Variants in CNTNAP2 observed in about 807,000 individuals in gnomAD.
CNTNAP2 encodes the protein contactin-associated protein-like 2.
In CNTNAP2, 98 loss-of-function variants were observed where a neutral mutation model predicts 155.2. The observed-to-expected ratio is 0.63, with a 90% CI of 0.54 to 0.75. The LOEUF (loss-of-function observed/expected upper bound fraction) is 0.75, where lower values mean the gene tolerates loss of function less well. Among genes scored for constraint, CNTNAP2 ranks in the 30% least tolerant of loss-of-function variants. The pLI is 0.00. For synonymous variants in CNTNAP2, 651 were observed against 631.2 expected (o/e 1.03, Z -0.47); for missense variants, 1,727 against 1,688.1 (o/e 1.02, Z -0.40).
intron 15 of CNTNAP2, among the ~76,000 whole-genome samples, chr7:148,026,739 G>T (rs1802382278): frequency 6.6e-6 from 1 of 152,136 alleles, no homozygotes; most frequent in African/African-American, 2.4e-5. Context: ...TAAAACTTCT[G>T]CATTCCAATA....
chr7:148,329,011 A>G (rs1236589024), intron 21 of CNTNAP2, among the ~76,000 whole-genome samples: 1 of 137,458 alleles, frequency 7.3e-6, no homozygotes, highest in Non-Finnish European at 1.5e-5. Flanking sequence ...GGCCCAAACC[A>G]TCCCAGGGAA....
At chr7:147,488,917 G>T (rs1278954295) in intron 11 of CNTNAP2, among the ~76,000 whole-genome samples, 2 of 152,214 alleles carry the variant, frequency 1.3e-5, no homozygotes, top group African/African-American at 4.8e-5. Context: ...ATGTACGGAA[G>T]ATGCTGAGAA....
At chr7:148,320,303 C>T (rs1475746795) in intron 21 of CNTNAP2, among the ~76,000 whole-genome samples, 1 of 151,262 alleles carries the variant, frequency 6.6e-6, no homozygotes, top group African/African-American at 2.4e-5. Context: ...CTCTTTGGCA[C>T]TGGACTATGG....
chr7:148,294,874 C>T (rs1291773109), intron 21 of CNTNAP2, among the ~76,000 whole-genome samples: 3 of 152,042 alleles, frequency 2.0e-5, no homozygotes, highest in Non-Finnish European at 4.4e-5. Context: ...AATCTATTGC[C>T]ATTCTAAGAA....
intron 8 of CNTNAP2, among the ~76,000 whole-genome samples, chr7:147,191,906 T>G (rs1802687116): frequency 6.6e-6 from 1 of 152,210 alleles, no homozygotes; most frequent in Non-Finnish European, 1.5e-5. Flanking sequence ...AACTGAATTT[T>G]ATTCCAGAAG....
At chr7:147,378,401 C>T (rs1796477354) in intron 9 of CNTNAP2, among the ~76,000 whole-genome samples, 1 of 151,944 alleles carries the variant, frequency 6.6e-6, no homozygotes, top group African/African-American at 2.4e-5. Flanking sequence ...TCATCGTATA[C>T]ACAACAGAGT....
chr7:148,219,200 A>G (rs1795698474), intron 19 of CNTNAP2, among the ~76,000 whole-genome samples: 1 of 152,134 alleles, frequency 6.6e-6, no homozygotes, highest in Non-Finnish European at 1.5e-5. Flanking sequence ...TTGGCCTCCC[A>G]AAGTGCTGGG....
At chr7:147,866,932 C>A (rs1216701830) in intron 13 of CNTNAP2, among the ~76,000 whole-genome samples, 1 of 152,098 alleles carries the variant, frequency 6.6e-6, no homozygotes, top group South Asian at 2.1e-4. Flanking sequence ...TTAACTGGGG[C>A]TTTTAGCCCA....
At chr7:146,341,974 C>A (rs10248899) in intron 1 of CNTNAP2, among the ~76,000 whole-genome samples, 18,288 of 152,082 alleles carry the variant, frequency 0.12, 2,056 homozygotes, top group African/African-American at 0.3. Flanking sequence ...AGCCTTCATT[C>A]TTAATGTTTG....
chr7:146,440,004 G>T (rs1408334121), intron 1 of CNTNAP2, among the ~76,000 whole-genome samples: 1 of 151,490 alleles, frequency 6.6e-6, no homozygotes, highest in African/African-American at 2.5e-5. Context: ...GAAACCTGTA[G>T]TCTCAGCAAC....
At chr7:146,481,928 C>T (rs978655279) in intron 1 of CNTNAP2, among the ~76,000 whole-genome samples, 1 of 152,082 alleles carries the variant, frequency 6.6e-6, no homozygotes, top group African/African-American at 2.4e-5. Context: ...TTTAATAGTG[C>T]CCTCAGAAGC....
chr7:148,098,934 A>T lies in CNTNAP2; in HGVS notation c.2384-19184A>T, dbSNP rs558505565. ...GGAAGCCCAGAATAAAAGGCTCAGGATGACACAGCCGCATCAACATCCAGT... is the reference window on the plus strand; with the variant it reads ...GGAAGCCCAGAATAAAAGGCTCAGGTTGACACAGCCGCATCAACATCCAGT... On this transcript the variant is annotated intron_variant, in intron 15 of 23. Transcript: ENST00000361727. 1.6e-4 allele frequency among the ~76,000 whole-genome samples: 24 copies of T among 152,312 alleles called. No individual in the cohort carries two copies. The East Asian group carries it at 4.4e-3, about 28-fold the overall frequency.
intron 21 of CNTNAP2, among the ~76,000 whole-genome samples, chr7:148,268,688 T>C (rs1585230236): frequency 2.6e-5 from 4 of 152,004 alleles, no homozygotes; most frequent in African/African-American, 7.2e-5. Flanking sequence ...TGTGCACTTA[T>C]GTAAGATTTA....
At chr7:146,418,734 G>A (rs1243945242) in intron 1 of CNTNAP2, among the ~76,000 whole-genome samples, 2 of 152,052 alleles carry the variant, frequency 1.3e-5, no homozygotes, top group Non-Finnish European at 2.9e-5. Flanking sequence ...ATATTGTTAT[G>A]ATTTGAATTG....
At chr7:146,681,322 T>C (rs1048579982) in intron 1 of CNTNAP2, among the ~76,000 whole-genome samples, 1 of 147,246 alleles carries the variant, frequency 6.8e-6, no homozygotes, top group Non-Finnish European at 1.5e-5. Flanking sequence ...ATTGGTGATA[T>C]TCAGATTATA....
chr7:147,282,351 C>G (rs1160713469), intron 8 of CNTNAP2, among the ~76,000 whole-genome samples: 1 of 151,864 alleles, frequency 6.6e-6, no homozygotes, highest in Non-Finnish European at 1.5e-5. Flanking sequence ...TACCAAAGAA[C>G]TTAGCTTCTC....
At chr7:148,339,784 C>G (rs927128394) in intron 21 of CNTNAP2, among the ~76,000 whole-genome samples, 2 of 152,200 alleles carry the variant, frequency 1.3e-5, no homozygotes, top group Non-Finnish European at 2.9e-5. Flanking sequence ...TTTAACACCT[C>G]TGCAAGCAGC....
intron 5 of CNTNAP2, among the ~76,000 whole-genome samples, chr7:147,115,757 C>T (rs1259518597): frequency 3.3e-5 from 5 of 152,130 alleles, no homozygotes; most frequent in Admixed American, 2.0e-4. Flanking sequence ...GTACAACATG[C>T]TCCTTTACTT....
intron 1 of CNTNAP2, among the ~76,000 whole-genome samples, chr7:146,122,983 T>C (rs1277508048): frequency 6.6e-6 from 1 of 152,178 alleles, no homozygotes; most frequent in African/African-American, 2.4e-5. Context: ...TTTTGAAAAA[T>C]ATCTTCTTAA....
Sources: gnomAD v4.1 joint callset for allele counts (sites outside exome capture counted in the v4.1 genomes callset) on GRCh38, gnomAD v4.1.1 for gene constraint, MANE v1.5 for transcripts, NCBI Gene and HGNC (gene_info 2026-07-23, HGNC 2026-07-21) for gene names.